KCNK10: variants seen among roughly 807,000 people sequenced by gnomAD.
The protein encoded by KCNK10 is potassium channel subfamily K member 10.
Under a neutral mutation model 47.7 loss-of-function variants are expected in KCNK10, and 25 were observed. The observed-to-expected ratio is 0.52, with a 90% CI of 0.38 to 0.73. The LOEUF (loss-of-function observed/expected upper bound fraction) is 0.73, where lower values mean the gene tolerates loss of function less well. Among genes scored for constraint, KCNK10 ranks in the 30% least tolerant of loss-of-function variants. The pLI is 0.00. For missense variants in KCNK10, 563 were observed against 714.5 expected, an observed-to-expected ratio of 0.79 and a Z score of 2.42; for synonymous variants, 303 against 285.6, an observed-to-expected ratio of 1.06 and a Z score of -0.61.
chr14:88,265,431 G>A (rs1887225903), intron 1 of KCNK10, among the ~76,000 whole-genome samples: 1 of 152,152 alleles, frequency 6.6e-6, no homozygotes, highest in African/African-American at 2.4e-5. Flanking sequence ...AGCTGGAAAA[G>A]GCAAGGGAAG....
chr14:88,248,469 C>T (rs1426574181), intron 2 of KCNK10, among the ~76,000 whole-genome samples: 1 of 151,994 alleles, frequency 6.6e-6, no homozygotes, highest in South Asian at 2.1e-4. Context: ...TAGTTCATGC[C>T]AATAATCCCC....
intron 1 of KCNK10, among the ~76,000 whole-genome samples, chr14:88,276,749 G>A (rs895173750): frequency 8.5e-5 from 13 of 152,222 alleles, no homozygotes. Context: ...AAACCAGGCA[G>A]CCTCACAGGT....
At chr14:88,316,522 A>G (rs554411968) in intron 1 of KCNK10, among the ~76,000 whole-genome samples, 1 of 152,296 alleles carries the variant, frequency 6.6e-6, no homozygotes, top group East Asian at 1.9e-4. Flanking sequence ...ATGGAGAGAA[A>G]TCACCCAGGT....
In KCNK10 at chr14:88,182,691, G is replaced by C. The variant is rs932108447; in HGVS notation, c.*2844C>G. 17 of 152,320 alleles carry C rather than the reference G, an allele frequency of 1.1e-4. No homozygotes were observed. The highest frequency in any genetic ancestry group is 3.9e-4 in the African/African-American group (16 of 41,442). 9.4% of individuals were successfully genotyped at this position (152,320 alleles called of 1,614,324 possible). A position where few individuals can be genotyped will look rare whatever the true frequency, so the allele number is the denominator to read the frequency against. On this transcript the variant is annotated 3_prime_UTR_variant, in exon 7 of 7. Coordinates refer to ENST00000319231, the MANE Select transcript of KCNK10 (RefSeq NM_138317.3). ...CCACCCCCAGCCCAAGGTTATGTTTGATCCCTCTGTGTGACTGATTTGACT... is the reference window on the plus strand; with the variant it reads ...CCACCCCCAGCCCAAGGTTATGTTTCATCCCTCTGTGTGACTGATTTGACT...
At chr14:88,234,138 C>T (rs955381909) in intron 3 of KCNK10, among the ~76,000 whole-genome samples, 2 of 152,152 alleles carry the variant, frequency 1.3e-5, no homozygotes, top group African/African-American at 2.4e-5. Context: ...ACACTTTTTG[C>T]CCGTATACTA....
intron 1 of KCNK10, among the ~76,000 whole-genome samples, chr14:88,280,461 G>T (rs987411801): frequency 6.6e-6 from 1 of 151,962 alleles, no homozygotes; most frequent in Admixed American, 6.6e-5. Flanking sequence ...ATGGCTCCCA[G>T]GTCTATACAC....
In KCNK10 at chr14:88,185,922, G is replaced by A. The variant is rs1884540071; in HGVS notation, c.1245C>T (p.Ala415=). Reference sequence around the variant, plus strand: ...GGTTGTTGATGCTCTCCTGGGATGAGGCCTTGAAGCGGCCGGTGTCCAGGG... The same window carrying A: ...GGTTGTTGATGCTCTCCTGGGATGAAGCCTTGAAGCGGCCGGTGTCCAGGG... ...FAALDTGRFK[A]SSQESINNRP... The change falls in exon 7 of 7, where the codon GCC becomes GCT. Residue 415 remains alanine, a synonymous_variant. Transcript: ENST00000319231. The surrounding 1 kb of genome is among the most constrained non-coding windows in gnomAD (Gnocchi z 4.3). 2 of 1,613,864 alleles carry A rather than the reference G, an allele frequency of 1.2e-6. No individual in the cohort carries two copies. Among genetic ancestry groups the A allele is most frequent in the South Asian group, 1.1e-5 (1 of 91,070 alleles).
Position 88,260,384 on chromosome 14 carries a change from T to A in KCNK10, c.402+2818A>T, listed in dbSNP as rs1028365495. ...CTGAAGCCTCCCAAGCCATGCTTCC[T>A]GCACAGCCTGCGGAACTGTGAATCA... On this transcript the variant is annotated intron_variant, in intron 2 of 6. Transcript: ENST00000319231. This position sits in a 1 kb window ranked among gnomAD's most constrained non-coding sequence, Gnocchi z 4.5. 6.6e-6 allele frequency among the ~76,000 whole-genome samples: 1 copy of A among 152,256 alleles called. No individual in the cohort carries two copies. Among genetic ancestry groups the A allele is most frequent in the Non-Finnish European group, 1.5e-5 (1 of 68,040 alleles).
chr14:88,289,260 G>A (rs940242993), intron 1 of KCNK10, among the ~76,000 whole-genome samples: 2 of 152,116 alleles, frequency 1.3e-5, no homozygotes, highest in African/African-American at 2.4e-5. Context: ...GCCTTTTAAA[G>A]TCACCAGGTG....
At chr14:88,321,267 G>T (rs1888540229) in intron 1 of KCNK10, among the ~76,000 whole-genome samples, 1 of 152,070 alleles carries the variant, frequency 6.6e-6, no homozygotes, top group Non-Finnish European at 1.5e-5. Context: ...CATCCTCCAG[G>T]CCTAAGTCCA....
chr14:88,263,179 A>G, intron 2 of KCNK10, 23 bp downstream of exon 2: 1 of 1,594,270 alleles, frequency 6.3e-7, no homozygotes, highest in Non-Finnish European at 8.6e-7. Flanking sequence ...AGCTGGCCTA[A>G]GATGGACTCA....
At chr14:88,274,316 GC>G (rs1035791266) in intron 1 of KCNK10, among the ~76,000 whole-genome samples, 1 of 151,790 alleles carries the variant, frequency 6.6e-6, no homozygotes, top group African/African-American at 2.4e-5. Context: ...ACAGTAGAAA[GC>G]AAAACTGAAA....
At chr14:88,188,211 T>A in intron 5 of KCNK10, 102 bp from the exon 6 acceptor site, 1 of 1,367,092 alleles carries the variant, frequency 7.3e-7, no homozygotes, top group Non-Finnish European at 1.0e-6. Flanking sequence ...CATCATTGTT[T>A]AACACTCAGC....
At chr14:88,210,682 G>T (rs1411211210) in intron 4 of KCNK10, among the ~76,000 whole-genome samples, 1 of 152,140 alleles carries the variant, frequency 6.6e-6, no homozygotes, top group Admixed American at 6.5e-5. Context: ...AGACAGGGAA[G>T]GTGCAAGAGG....
intron 4 of KCNK10, among the ~76,000 whole-genome samples, chr14:88,223,244 C>T (rs1384756840): frequency 6.6e-6 from 1 of 151,896 alleles, no homozygotes; most frequent in African/African-American, 2.4e-5. Context: ...GTTATTGATC[C>T]TTGTATTCAA....
Position 88,181,878 on chromosome 14 carries a change from A to G in KCNK10, c.*3657T>C, listed in dbSNP as rs995045775. On this transcript the variant is annotated 3_prime_UTR_variant, in exon 7 of 7. Transcript: ENST00000319231. ...ACAACTACAATGGCCCTTGACAAGT[A>G]TCTGTGCTCAACTCCCTCCCTTGAT... 3 of 152,318 alleles carry G rather than the reference A, an allele frequency of 2.0e-5. No individual in the cohort carries two copies. Among genetic ancestry groups the G allele is most frequent in the African/African-American group, 7.2e-5 (3 of 41,434 alleles). 9.4% of individuals were successfully genotyped at this position (152,318 alleles called of 1,614,324 possible). A position where few individuals can be genotyped will look rare whatever the true frequency, so the allele number is the denominator to read the frequency against.
chr14:88,199,355 C>T (rs1028580485), intron 4 of KCNK10, among the ~76,000 whole-genome samples: 10 of 152,072 alleles, frequency 6.6e-5, no homozygotes, highest in South Asian at 2.1e-4. Context: ...AATGTTCACC[C>T]GGAAGGAAGA....
upstream of KCNK10, among the ~76,000 whole-genome samples, chr14:88,325,813 G>A (rs182083820): frequency 3.4e-4 from 52 of 152,254 alleles, no homozygotes; most frequent in African/African-American, 1.2e-3. Flanking sequence ...ACATCATTCG[G>A]CCAATCAACA....
chr14:88,322,964 T>C lies in KCNK10; in HGVS notation c.-166A>G, dbSNP rs984793385. 25 of 1,461,116 alleles carry C rather than the reference T, an allele frequency of 1.7e-5. No homozygotes were observed. In the African/African-American group the frequency reaches 3.0e-4, roughly 17 times the overall value. The allele number at this position is 1,461,116 out of a possible 1,614,324, so 90.5% of individuals were successfully genotyped here. Reference sequence around the variant, plus strand: ...CCAGAAAAAGACAGGTGGGAAAATATTAGCTTGGGGGAGAACTGGAGAGGG... The same window carrying C: ...CCAGAAAAAGACAGGTGGGAAAATACTAGCTTGGGGGAGAACTGGAGAGGG... On this transcript the variant is annotated 5_prime_UTR_variant, in exon 1 of 7. Transcript: ENST00000319231. This position sits in a 1 kb window ranked among gnomAD's most constrained non-coding sequence, Gnocchi z 4.8.
Sources: allele counts gnomAD v4.1 joint callset (sites outside exome capture counted in the v4.1 genomes callset), GRCh38; gene constraint gnomAD v4.1.1; non-coding constraint Gnocchi (gnomAD v3.1); transcripts MANE v1.5; gene names NCBI Gene and HGNC (gene_info 2026-07-23, HGNC 2026-07-21).